Variants in ADGB observed in about 807,000 individuals in gnomAD.
ADGB encodes the protein androglobin.
ADGB carries 172 observed loss-of-function variants against 210.5 expected under a neutral mutation model. The ratio of observed to expected loss-of-function variants is 0.82; its 90% CI spans 0.72 to 0.93. The LOEUF is 0.93. Among genes scored for constraint, ADGB ranks in the 40% least tolerant of loss-of-function variants. ADGB has a pLI of 0.00. For missense variants in ADGB, 2,025 were observed against 1,964.8 expected (o/e 1.03, Z -0.58); for synonymous variants, 658 against 662.7 (o/e 0.99, Z 0.11).
chr6:146,732,978 T>G (rs2114586677), intron 20 of ADGB, 142 bp from the exon 21 acceptor site: 1 of 608,002 alleles, frequency 1.6e-6, no homozygotes, highest in Non-Finnish European at 2.5e-6. Flanking sequence ...CAGGTGAGAC[T>G]TCAAAGAATC....
At chr6:146,763,795 T>A in intron 27 of ADGB, 106 bp from the exon 28 acceptor site, 1 of 1,007,772 alleles carries the variant, frequency 9.9e-7, no homozygotes, top group Non-Finnish European at 1.4e-6. Context: ...AACAAAAGAA[T>A]TGACCTATTC....
chr6:146,661,407 A>T (rs1408895460), intron 5 of ADGB, among the ~76,000 whole-genome samples: 2 of 151,504 alleles, frequency 1.3e-5, no homozygotes, highest in Non-Finnish European at 2.9e-5. Flanking sequence ...TTGTAGAGAC[A>T]GGGTCTCACT....
chr6:146,604,332 G>A (rs1328634681), intron 1 of ADGB, among the ~76,000 whole-genome samples: 2 of 152,150 alleles, frequency 1.3e-5, no homozygotes, highest in African/African-American at 4.8e-5. Context: ...TCCACGCAGG[G>A]GAAGTGATAG....
intron 1 of ADGB, among the ~76,000 whole-genome samples, chr6:146,615,669 A>G (rs117139530): frequency 0.014 from 2,057 of 152,316 alleles, 27 homozygotes; most frequent in Middle Eastern, 0.054. Flanking sequence ...GCTCCCACCT[A>G]TAAGTGAGAA....
At chr6:146,709,416 C>T (rs1776625078) in intron 13 of ADGB, among the ~76,000 whole-genome samples, 2 of 152,188 alleles carry the variant, frequency 1.3e-5, no homozygotes, top group Non-Finnish European at 2.9e-5. Context: ...GGCAGGTTGC[C>T]CACAGGCAGG....
chr6:146,664,432 T>A, intron 6 of ADGB, 92 bp downstream of exon 6: 1 of 1,302,836 alleles, frequency 7.7e-7, no homozygotes, highest in Non-Finnish European at 1.0e-6. Flanking sequence ...TTTTTAAAAT[T>A]AGCTAAAAGA....
intron 1 of ADGB, among the ~76,000 whole-genome samples, chr6:146,625,843 A>T (rs1370969553): frequency 6.6e-6 from 1 of 152,084 alleles, no homozygotes; most frequent in African/African-American, 2.4e-5. Flanking sequence ...GGACTAATAC[A>T]GTTAGATCTT....
At chr6:146,738,390 A>ATT (rs1777109623) in intron 23 of ADGB, among the ~76,000 whole-genome samples, 1 of 148,738 alleles carries the variant, frequency 6.7e-6, no homozygotes, top group African/African-American at 2.5e-5. Context: ...GAGTTTACCA[A>ATT]TTTATGATTT....
intron 29 of ADGB, among the ~76,000 whole-genome samples, chr6:146,777,441 C>G (rs553756769): frequency 6.6e-6 from 1 of 152,148 alleles, no homozygotes; most frequent in South Asian, 2.1e-4. Flanking sequence ...AAGCTCATGT[C>G]CTTCATGTTG....
At chr6:146,647,557 T>TA (rs1775638185) in intron 3 of ADGB, among the ~76,000 whole-genome samples, 1 of 152,060 alleles carries the variant, frequency 6.6e-6, no homozygotes, top group Non-Finnish European at 1.5e-5. Context: ...TTAGACATAT[T>TA]AAAAAAGCGA....
intron 27 of ADGB, among the ~76,000 whole-genome samples, chr6:146,763,049 G>A (rs1777518205): frequency 6.6e-6 from 1 of 152,110 alleles, no homozygotes; most frequent in South Asian, 2.1e-4. Context: ...TGTTGCAGGA[G>A]CCCCACTCAC....
chr6:146,755,174 A>G (rs1002956787), intron 27 of ADGB, among the ~76,000 whole-genome samples: 3 of 151,950 alleles, frequency 2.0e-5, no homozygotes, highest in Non-Finnish European at 4.4e-5. Flanking sequence ...TCCTTTTGTT[A>G]TTCTTCCTTT....
intron 12 of ADGB, among the ~76,000 whole-genome samples, chr6:146,695,295 A>C (rs1198896974): frequency 6.6e-6 from 1 of 151,940 alleles, no homozygotes; most frequent in African/African-American, 2.4e-5. Flanking sequence ...TTTGTTTGTA[A>C]TTTTCTGGGT....
At chr6:146,624,052 G>T (rs1780937690) in intron 1 of ADGB, among the ~76,000 whole-genome samples, 1 of 151,670 alleles carries the variant, frequency 6.6e-6, no homozygotes, top group African/African-American at 2.4e-5. Context: ...TTGATGTCTT[G>T]TCTGGTTTTG....
At chr6:146,691,683 A>G (rs1429722345) in intron 11 of ADGB, among the ~76,000 whole-genome samples, 2 of 148,340 alleles carry the variant, frequency 1.3e-5, no homozygotes, top group East Asian at 4.0e-4. Flanking sequence ...TATGTCTTTA[A>G]AGGATTAATT....
At chr6:146,699,847 G>A (rs773317360) in intron 12 of ADGB, among the ~76,000 whole-genome samples, 1 of 152,038 alleles carries the variant, frequency 6.6e-6, no homozygotes, top group Non-Finnish European at 1.5e-5. Flanking sequence ...TGCCAATAGG[G>A]ACCCCAAATG....
intron 3 of ADGB, among the ~76,000 whole-genome samples, chr6:146,649,261 T>G (rs548044838): frequency 7.3e-5 from 11 of 151,512 alleles, no homozygotes. Flanking sequence ...TGCTGATAAC[T>G]CAGAAGATTT....
chr6:146,777,108 A>G (rs1777732720), intron 29 of ADGB, among the ~76,000 whole-genome samples: 1 of 152,004 alleles, frequency 6.6e-6, no homozygotes, highest in Non-Finnish European at 1.5e-5. Context: ...AATGGGCACC[A>G]AGTAATTTAT....
At chr6:146,657,519 T>A (rs1300949165) in intron 5 of ADGB, among the ~76,000 whole-genome samples, 2 of 152,178 alleles carry the variant, frequency 1.3e-5, no homozygotes, top group Non-Finnish European at 2.9e-5. Context: ...GTGATGTCAG[T>A]CCCATGGGCA....
Sources: allele counts gnomAD v4.1 joint callset (sites outside exome capture counted in the v4.1 genomes callset), GRCh38; gene constraint gnomAD v4.1.1; transcripts MANE v1.5; gene names NCBI Gene and HGNC (gene_info 2026-07-23, HGNC 2026-07-21).